Variants in PLS3 observed in about 807,000 individuals in gnomAD.
PLS3 encodes the protein plastin 3, also known as plastin-3.
A neutral mutation model predicts 46.5 loss-of-function variants in PLS3; 11 were observed. The ratio of observed to expected loss-of-function variants is 0.24; its 90% CI spans 0.15 to 0.39. PLS3 has a LOEUF of 0.39. Among genes scored for constraint, PLS3 ranks in the 10% least tolerant of loss-of-function variants. The pLI, the probability that PLS3 is intolerant of heterozygous loss-of-function variation, is 1.00. For missense variants in PLS3, 308 were observed against 461.8 expected, an observed-to-expected ratio of 0.67 and a Z score of 3.05; for synonymous variants, 167 against 162.2, an observed-to-expected ratio of 1.03 and a Z score of -0.22.
At chrX:115,618,814 C>A (rs2074621090) in intron 2 of PLS3, among the ~76,000 whole-genome samples, 2 of 110,997 alleles carry the variant, frequency 1.8e-5, no homozygotes, top group African/African-American at 6.6e-5. Flanking sequence ...TCGCTTGAAC[C>A]CAGGAGGCGG....
intron 1 of PLS3, among the ~76,000 whole-genome samples, chrX:115,592,301 G>A (rs2074350800): frequency 9.0e-6 from 1 of 111,665 alleles, no homozygotes; most frequent in Non-Finnish European, 1.9e-5. Flanking sequence ...GTACCTTGCT[G>A]GACCCAGACA....
At chrX:115,625,947 C>T (rs1476134437) in intron 3 of PLS3, among the ~76,000 whole-genome samples, 2 of 112,065 alleles carry the variant, frequency 1.8e-5, no homozygotes, top group African/African-American at 6.5e-5. Flanking sequence ...ATGTATAGAT[C>T]AAGAGTGGTT....
chrX:115,581,882 C>T (rs2147430424), intron 1 of PLS3, among the ~76,000 whole-genome samples: 1 of 111,642 alleles, frequency 9.0e-6, no homozygotes, highest in African/African-American at 3.2e-5. Flanking sequence ...GAAAACTTCC[C>T]TAAGTTACAG....
chrX:115,613,301 C>CA (rs1171466501), intron 2 of PLS3, among the ~76,000 whole-genome samples: 13 of 108,404 alleles, frequency 1.2e-4, no homozygotes, highest in African/African-American at 1.7e-4. Flanking sequence ...CCAAACTAAG[C>CA]AAAAAAAAAT....
intron 13 of PLS3, 150 bp from the exon 14 acceptor site, chrX:115,647,400 C>G (rs782156952): frequency 1.9e-6 from 1 of 518,003 alleles, no homozygotes; most frequent in East Asian, 4.1e-5. Context: ...CGCCACTGCA[C>G]TCCAGCCTGG....
At chrX:115,642,020 T>G (rs782075051) in intron 9 of PLS3, among the ~76,000 whole-genome samples, 1 of 106,122 alleles carries the variant, frequency 9.4e-6, no homozygotes, top group African/African-American at 3.4e-5. Context: ...TTTTTCAGCT[T>G]TACACCTTCT....
chrX:115,587,967 G>A (rs1023424861), intron 1 of PLS3, among the ~76,000 whole-genome samples: 1 of 111,785 alleles, frequency 8.9e-6, no homozygotes, highest in Admixed American at 9.6e-5. Context: ...TCAATACTTA[G>A]GCTTTTCTAG....
intron 1 of PLS3, among the ~76,000 whole-genome samples, chrX:115,571,816 T>C (rs782331129): frequency 3.6e-5 from 4 of 112,216 alleles, no homozygotes; most frequent in African/African-American, 6.5e-5. Context: ...TATGTTTTCA[T>C]GATGACATGT....
At chrX:115,574,512 A>C (rs1348095759) in intron 1 of PLS3, among the ~76,000 whole-genome samples, 1 of 112,106 alleles carries the variant, frequency 8.9e-6, no homozygotes, top group African/African-American at 3.2e-5. Context: ...TAAACTGTAG[A>C]GTCAAAGAAG....
At chrX:115,571,980 C>G (rs1217596067) in intron 1 of PLS3, among the ~76,000 whole-genome samples, 3 of 112,060 alleles carry the variant, frequency 2.7e-5, no homozygotes, top group Admixed American at 9.5e-5. Flanking sequence ...TGTAAAGCTA[C>G]AGTTGAATCA....
chrX:115,614,562 G>A, intron 2 of PLS3: 1 of 751,358 alleles, frequency 1.3e-6, no homozygotes, highest in Non-Finnish European at 1.6e-6. Context: ...CAAACCCCAT[G>A]TTTAGCTAAG....
intron 4 of PLS3, among the ~76,000 whole-genome samples, chrX:115,629,578 C>T (rs2074743666): frequency 9.0e-6 from 1 of 111,649 alleles, no homozygotes; most frequent in Non-Finnish European, 1.9e-5. Context: ...GTGCATTATA[C>T]AGTAATATAA....
At chrX:115,636,771 A>G (rs1012371188) in intron 7 of PLS3, 65 bp from the exon 8 acceptor site, 1 of 1,021,642 alleles carries the variant, frequency 9.8e-7, no homozygotes, top group Non-Finnish European at 1.3e-6. Context: ...AAAAGACTGA[A>G]TGAACTTGGC....
At chrX:115,571,936 C>T (rs1252041820) in intron 1 of PLS3, among the ~76,000 whole-genome samples, 1 of 111,870 alleles carries the variant, frequency 8.9e-6, no homozygotes, top group African/African-American at 3.3e-5. Context: ...TTGACACATT[C>T]AGAAAATATT....
At chrX:115,605,882 G>A (rs12394363) in intron 1 of PLS3, among the ~76,000 whole-genome samples, 1,667 of 111,515 alleles carry the variant, frequency 0.015, 21 homozygotes, top group African/African-American at 0.047. Context: ...TTTTATTGCA[G>A]TCACTAATTC....
intron 6 of PLS3, 71 bp downstream of exon 6, chrX:115,634,152 C>T: frequency 1.7e-6 from 1 of 588,970 alleles, no homozygotes; most frequent in Non-Finnish European, 2.8e-6. Context: ...ACTTCAGCCT[C>T]TGCACTCTGT....
chrX:115,589,012 C>T (rs1181342837), intron 1 of PLS3, among the ~76,000 whole-genome samples: 1 of 111,660 alleles, frequency 9.0e-6, no homozygotes, highest in Non-Finnish European at 1.9e-5. Context: ...TTTTCTTCTG[C>T]GACAGTCTTG....
chrX:115,642,861 GAA>G (rs1285978586), intron 9 of PLS3, among the ~76,000 whole-genome samples: 1 of 111,002 alleles, frequency 9.0e-6, no homozygotes, highest in Non-Finnish European at 1.9e-5. Flanking sequence ...AAGTACATTT[GAA>G]AAAAAATTTT....
chrX:115,614,917 T>A (rs782268112), intron 2 of PLS3, among the ~76,000 whole-genome samples: 2 of 111,755 alleles, frequency 1.8e-5, no homozygotes, highest in African/African-American at 3.3e-5. Context: ...TAATGAGCAC[T>A]GTCCTGAGTG....
Sources: gnomAD v4.1 joint callset for allele counts (sites outside exome capture counted in the v4.1 genomes callset) on GRCh38, gnomAD v4.1.1 for gene constraint, MANE v1.5 for transcripts, NCBI Gene and HGNC (gene_info 2026-07-23, HGNC 2026-07-21) for gene names.